Variants in DNAH8 observed in about 807,000 individuals in gnomAD.
DNAH8 encodes axonemal beta dynein heavy chain 8.
In DNAH8, 382 loss-of-function variants were observed where a neutral mutation model predicts 562.1. The observed-to-expected ratio is 0.68, with a 90% CI of 0.63 to 0.74. The LOEUF (loss-of-function observed/expected upper bound fraction) is 0.74, where lower values mean the gene tolerates loss of function less well. Among genes scored for constraint, DNAH8 ranks in the 30% least tolerant of loss-of-function variants. The pLI is 0.00. For missense variants in DNAH8, 5,203 were observed against 5,620.4 expected (o/e 0.93, Z 2.37); for synonymous variants, 1,881 against 1,919.4 (o/e 0.98, Z 0.52).
chr6:38,829,494 T>C (rs1380948606), intron 30 of DNAH8, among the ~76,000 whole-genome samples: 2 of 152,212 alleles, frequency 1.3e-5, no homozygotes, highest in African/African-American at 4.8e-5. Flanking sequence ...CTGATACATT[T>C]TGAGTTAATT....
rs868200173 is a variant in DNAH8, at chr6:38,737,055, C to G, written c.763-12C>G. The G allele has an allele frequency of 4.6e-6, 7 of 1,506,756 alleles. No individual in the cohort carries two copies. The Middle Eastern group carries it at 1.2e-3, about 262-fold the overall frequency. 93.3% of individuals were successfully genotyped at this position (1,506,756 alleles called of 1,614,324 possible). On this transcript the variant is annotated splice_polypyrimidine_tract_variant and intron_variant, in intron 5 of 92. Coordinates refer to ENST00000327475, the MANE Select transcript of DNAH8 (RefSeq NM_001206927.2). ...TAGCATGTAAAATAACATTTAAACT[C>G]CACCCTTTCAGGAAGCGCTCTTTAC...
intron 80 of DNAH8, among the ~76,000 whole-genome samples, chr6:38,946,237 T>C (rs555339690): frequency 3.2e-4 from 49 of 152,326 alleles, no homozygotes; most frequent in Admixed American, 5.2e-4. Flanking sequence ...ATCTCTTTTC[T>C]ATGGCTGCTA....
In DNAH8 at chr6:38,741,978, G is replaced by A. The variant is rs573501430; in HGVS notation, c.1293+91G>A. 3 of 1,079,362 alleles carry A rather than the reference G, an allele frequency of 2.8e-6. No individual in the cohort carries two copies. In the East Asian group the frequency reaches 7.6e-5, roughly 27 times the overall value. The allele number at this position is 1,079,362 out of a possible 1,614,324, so 66.9% of individuals were successfully genotyped here. Reference sequence around the variant, plus strand: ...AACTACTTCTTAGTATAATATACTGGAATCGTGTTTAGAAGTGTTAGCCTT... The same window carrying A: ...AACTACTTCTTAGTATAATATACTGAAATCGTGTTTAGAAGTGTTAGCCTT... On this transcript the variant is annotated intron_variant, in intron 8 of 92. Coordinates refer to ENST00000327475, the MANE Select transcript of DNAH8 (RefSeq NM_001206927.2).
rs1209647945 is a variant in DNAH8 at position 38,723,061 on chromosome 6, T to A, written c.252T>A (p.Val84=). Residue 84 remains valine, a synonymous_variant, in exon 2 of 93, where the codon GTT becomes GTA. Transcript: ENST00000327475. ...PDDHEADLNR[V]RQRLAPRPVQ... ...ATCATGAAGCGGATCTGAATAGAGT[T>A]CGACAGAGGCTTGCACCGCGACCGG... 6.2e-7 allele frequency: 1 copy of A among 1,612,878 alleles called. No individual in the cohort carries two copies. Among genetic ancestry groups the A allele is most frequent in the Non-Finnish European group, 8.5e-7 (1 of 1,179,894 alleles).
In DNAH8 at chr6:38,911,599, G is replaced by A. The variant is rs781320331; in HGVS notation, c.9859+13G>A. On this transcript the variant is annotated intron_variant, in intron 66 of 92. Transcript: ENST00000327475. ...CGTATGAATATTGGTAAGAGGAATG[G>A]AATGGAATGGGATGGAATAGAAATA... The A allele has an allele frequency of 1.3e-6, 2 of 1,505,970 alleles. No homozygotes were observed. Among genetic ancestry groups the A allele is most frequent in the South Asian group, 1.1e-5 (1 of 88,582 alleles). The allele number at this position is 1,505,970 out of a possible 1,614,324, so 93.3% of individuals were successfully genotyped here.
chr6:38,773,031 G>A (rs919479354), intron 12 of DNAH8, among the ~76,000 whole-genome samples: 7 of 126,366 alleles, frequency 5.5e-5, no homozygotes, highest in Non-Finnish European at 9.5e-5. Context: ...TTGATGAGCT[G>A]GTCTTGAACT....
At chr6:38,995,689 T>C (rs1765090340) in intron 88 of DNAH8, among the ~76,000 whole-genome samples, 1 of 152,224 alleles carries the variant, frequency 6.6e-6, no homozygotes, top group Admixed American at 6.5e-5. Context: ...CTCAGTACAA[T>C]GTGGTAAAGA....
At chr6:38,723,705 G>A (rs1338483934) in intron 3 of DNAH8, among the ~76,000 whole-genome samples, 1 of 151,880 alleles carries the variant, frequency 6.6e-6, no homozygotes, top group African/African-American at 2.4e-5. Context: ...CAAAACTCCT[G>A]TCTCTGCAAA....
chr6:38,773,393 A>G (rs1020895127), intron 12 of DNAH8, among the ~76,000 whole-genome samples: 1 of 152,118 alleles, frequency 6.6e-6, no homozygotes, highest in Non-Finnish European at 1.5e-5. Context: ...ATGGTCATCC[A>G]TCTGTGAAAT....
chr6:38,823,655 A>G lies in DNAH8; in HGVS notation c.3814A>G (p.Ile1272Val), dbSNP rs771084644. The G allele has an allele frequency of 3.1e-6, 5 of 1,603,712 alleles. No homozygotes were observed. The highest frequency in any genetic ancestry group is 1.3e-5 in the African/African-American group (1 of 74,670). ...FEQEIDELKP[I>V]IVVGALELHT... ...ACAGGAGATTGATGAGTTGAAGCCTATTATTGTTGTAGGAGCACTTGAATT... is the reference window on the plus strand; with the variant it reads ...ACAGGAGATTGATGAGTTGAAGCCTGTTATTGTTGTAGGAGCACTTGAATT... The change falls in exon 28 of 93, where the codon ATT becomes GTT. Residue 1272 changes from isoleucine to valine, a missense_variant. Around this residue, in one of 6 missense-constraint regions of DNAH8, gnomAD observed 2,176 missense variants for 2,365.1 expected, o/e 0.92. Transcript: ENST00000327475.
chr6:38,773,124 A>T (rs1767739762), intron 12 of DNAH8, among the ~76,000 whole-genome samples: 1 of 151,576 alleles, frequency 6.6e-6, no homozygotes, highest in Non-Finnish European at 1.5e-5. Context: ...GCCAATAGGG[A>T]TTTTTTTGGG....
intron 26 of DNAH8, among the ~76,000 whole-genome samples, chr6:38,817,273 A>T (rs1678696): frequency 5.3e-5 from 8 of 151,950 alleles, no homozygotes; most frequent in Non-Finnish European, 1.2e-4. Flanking sequence ...TGAACCAGAG[A>T]CAGAGGTTGC....
intron 28 of DNAH8, among the ~76,000 whole-genome samples, chr6:38,824,901 A>G (rs183856314): frequency 8.5e-5 from 13 of 152,300 alleles, no homozygotes; most frequent in Middle Eastern, 3.4e-3. Context: ...TTACCTGGAA[A>G]TCAGAAACTA....
intron 55 of DNAH8, 147 bp from the exon 56 acceptor site, chr6:38,883,729 A>C (rs779844901): frequency 9.4e-5 from 65 of 694,352 alleles, no homozygotes; most frequent in Non-Finnish European, 1.2e-4. Flanking sequence ...TTATTTTTAA[A>C]AATTTAACAA....
intron 32 of DNAH8, among the ~76,000 whole-genome samples, chr6:38,835,718 AC>A (rs1774224652): frequency 6.6e-6 from 1 of 152,088 alleles, no homozygotes; most frequent in South Asian, 2.1e-4. Context: ...GGGATGCGGT[AC>A]TAAAGAGGAT....
intron 87 of DNAH8, 99 bp from the exon 88 acceptor site, chr6:38,989,911 ACT>A (rs1336075436): frequency 4.6e-6 from 3 of 649,126 alleles, no homozygotes; most frequent in South Asian, 4.1e-5. Context: ...AATATTAAAA[ACT>A]CTGTTAAAAT....
chr6:38,955,435 A>G (rs1271839761), intron 82 of DNAH8, among the ~76,000 whole-genome samples: 2 of 150,788 alleles, frequency 1.3e-5, no homozygotes, highest in Non-Finnish European at 2.9e-5. Flanking sequence ...GTTTGAGGTC[A>G]GCCTGACCAA....
In DNAH8 at chr6:38,863,983, G is replaced by A; in HGVS notation, c.6421G>A (p.Glu2141Lys). The A allele has an allele frequency of 1.2e-6, 2 of 1,611,018 alleles. No homozygotes were observed. Among genetic ancestry groups the A allele is most frequent in the Non-Finnish European group, 1.7e-6 (2 of 1,179,052 alleles). Residue 2141 changes from glutamate (E) to lysine (K), a missense_variant, in exon 45 of 93, where the codon GAA becomes AAA. This residue lies in a region of DNAH8 where 2,176 missense variants were observed against 2,365.1 expected (regional missense o/e 0.92). Transcript: ENST00000327475. ...TTATATTGTTTTGACAGCAAGAAAAGAAAGAAAGAAACAGTTCATTTTTTC... is the reference window on the plus strand; with the variant it reads ...TTATATTGTTTTGACAGCAAGAAAAAAAAGAAAGAAACAGTTCATTTTTTC... ...QIYIVLTARKERKKQFIFSDG... is the reference protein window; with the variant it reads ...QIYIVLTARKKRKKQFIFSDG...
At position 38,984,238 on chromosome 6, in the gene DNAH8, C is replaced by T. The variant is rs746148886; in HGVS notation, c.12984C>T (p.Ile4328=). ...CATGGAATACGGTTCGGTACATGAT[C>T]GGAGAAGTACAATATGGAGGCAGAG... ...GVSWNTVRYM[I]GEVQYGGRVT... is the part of the protein sequence containing the mutation. The change falls in exon 87 of 93, where the codon ATC becomes ATT. Residue 4328 remains isoleucine (I), a synonymous_variant. Transcript: ENST00000327475. The T allele has an allele frequency of 1.9e-5, 31 of 1,607,666 alleles. No homozygotes were observed. Among genetic ancestry groups the T allele is most frequent in the South Asian group, 5.5e-5 (5 of 90,880 alleles).
Sources: allele counts gnomAD v4.1 joint callset (sites outside exome capture counted in the v4.1 genomes callset), GRCh38; gene constraint gnomAD v4.1.1; regional missense constraint gnomAD v4.1.1; transcripts MANE v1.5; gene names NCBI Gene and HGNC (gene_info 2026-07-23, HGNC 2026-07-21).